The following AUTS2 variants were observed in gnomAD, a reference collection of about 807,000 sequenced individuals.
The protein encoded by AUTS2 is activator of transcription and developmental regulator AUTS2, also known as autism susceptibility gene 2 protein.
Under a neutral mutation model 112.4 loss-of-function variants are expected in AUTS2, and 17 were observed. The ratio of observed to expected loss-of-function variants is 0.15; its 90% confidence interval spans 0.10 to 0.23. The LOEUF (loss-of-function observed/expected upper bound fraction) is 0.23. Ranked by LOEUF, AUTS2 falls within the 10% of genes least tolerant of loss-of-function variation. The probability of loss-of-function intolerance (pLI) is 1.00; values close to 1 mark genes in which losing one functional copy is unlikely to be tolerated. For missense variants in AUTS2, 1,510 were observed against 1,701.6 expected (o/e 0.89, Z 1.98); for synonymous variants, 751 against 702.7 (o/e 1.07, Z -1.09).
intron 1 of AUTS2, chr7:69,643,235 A>C (rs1794871006): frequency 6.6e-6 from 1 of 152,204 alleles, no homozygotes; most frequent in South Asian, 2.1e-4. Context: ...AGTCTTTTGG[A>C]ATGTAATCAC....
At chr7:70,729,869 T>TGTAC (rs1787266447) in intron 6 of AUTS2, among the ~76,000 whole-genome samples, 1 of 151,502 alleles carries the variant, frequency 6.6e-6, no homozygotes, top group African/African-American at 2.4e-5. Flanking sequence ...TATGTATGTA[T>TGTAC]GTATGTATGT....
chr7:70,706,713 A>G (rs1442973604), intron 6 of AUTS2, among the ~76,000 whole-genome samples: 1 of 152,190 alleles, frequency 6.6e-6, no homozygotes, highest in Non-Finnish European at 1.5e-5. Context: ...TTTATTGTTT[A>G]TCTGGATTAA....
chr7:70,611,067 A>G (rs1189658673), intron 5 of AUTS2, among the ~76,000 whole-genome samples: 1 of 152,144 alleles, frequency 6.6e-6, no homozygotes, highest in South Asian at 2.1e-4. Context: ...TATTTCCCCT[A>G]TGTTTTCTTC....
At chr7:70,082,224 A>T (rs1386749433) in intron 2 of AUTS2, among the ~76,000 whole-genome samples, 1 of 152,200 alleles carries the variant, frequency 6.6e-6, no homozygotes, top group Non-Finnish European at 1.5e-5. Context: ...TACGTGCCTA[A>T]AATGTTGATT....
At chr7:69,676,531 T>C (rs1380150756) in intron 1 of AUTS2, among the ~76,000 whole-genome samples, 1 of 152,136 alleles carries the variant, frequency 6.6e-6, no homozygotes, top group Non-Finnish European at 1.5e-5. Context: ...GAAATGGAGG[T>C]CTTATGCTTC....
intron 2 of AUTS2, among the ~76,000 whole-genome samples, chr7:70,093,979 C>T (rs1804058688): frequency 2.0e-5 from 3 of 152,214 alleles, no homozygotes; most frequent in African/African-American, 4.8e-5. Context: ...TGGAGAATCT[C>T]TTTGTGATTT....
chr7:70,297,005 C>CTT (rs556668116), intron 4 of AUTS2, among the ~76,000 whole-genome samples: 53 of 118,206 alleles, frequency 4.5e-4, no homozygotes, highest in East Asian at 4.0e-3. Context: ...TAATGCCTGA[C>CTT]TTTTTTTTTT....
chr7:70,248,610 A>T (rs1055806632), intron 4 of AUTS2, among the ~76,000 whole-genome samples: 6 of 152,020 alleles, frequency 3.9e-5, no homozygotes, highest in African/African-American at 1.4e-4. Flanking sequence ...TATTTTGTGC[A>T]TTCTATTTTT....
intron 1 of AUTS2, among the ~76,000 whole-genome samples, chr7:69,895,546 C>CCG (rs979898901): frequency 3.5e-5 from 5 of 142,992 alleles, no homozygotes; most frequent in Admixed American, 2.1e-4. Context: ...CTCTTCTTCC[C>CCG]CCCCCCCGAG....
chr7:70,647,065 G>A (rs900512685), intron 5 of AUTS2, among the ~76,000 whole-genome samples: 2 of 152,208 alleles, frequency 1.3e-5, no homozygotes, highest in African/African-American at 4.8e-5. Flanking sequence ...GCAGAAGTCA[G>A]ACAAGACCCA....
At chr7:70,523,773 C>G (rs1299342139) in intron 5 of AUTS2, among the ~76,000 whole-genome samples, 1 of 152,102 alleles carries the variant, frequency 6.6e-6, no homozygotes, top group South Asian at 2.1e-4. Context: ...CCCACAGCAC[C>G]CTTTGAGAGA....
At chr7:70,385,251 T>C (rs1047377795) in intron 4 of AUTS2, among the ~76,000 whole-genome samples, 4 of 152,218 alleles carry the variant, frequency 2.6e-5, no homozygotes, top group African/African-American at 9.6e-5. Context: ...AGTGCTAGTT[T>C]CATGGGAGAC....
intron 5 of AUTS2, among the ~76,000 whole-genome samples, chr7:70,515,040 G>A (rs566481926): frequency 1.6e-3 from 246 of 152,074 alleles, no homozygotes; most frequent in Non-Finnish European, 2.7e-3. Context: ...TTGGTTGTAT[G>A]TTTTGTAACC....
chr7:70,622,295 T>G (rs1050265774), intron 5 of AUTS2, among the ~76,000 whole-genome samples: 2 of 152,214 alleles, frequency 1.3e-5, no homozygotes, highest in Non-Finnish European at 2.9e-5. Context: ...CTCTCCTGCC[T>G]GAGGGGCCTG....
chr7:69,837,700 TTTG>T (rs1791788207), intron 1 of AUTS2, among the ~76,000 whole-genome samples: 1 of 152,204 alleles, frequency 6.6e-6, no homozygotes, highest in Non-Finnish European at 1.5e-5. Flanking sequence ...AGGCGTCATG[TTTG>T]TTAAGGGACC....
intron 5 of AUTS2, among the ~76,000 whole-genome samples, chr7:70,481,901 G>A (rs1334065142): frequency 2.0e-5 from 3 of 152,094 alleles, no homozygotes; most frequent in Non-Finnish European, 4.4e-5. Context: ...ACAAAAAAGT[G>A]CTCTATACTG....
intron 1 of AUTS2, among the ~76,000 whole-genome samples, chr7:69,750,222 G>C (rs1357338890): frequency 6.6e-6 from 1 of 151,970 alleles, no homozygotes; most frequent in Non-Finnish European, 1.5e-5. Context: ...CTGGAAAAAG[G>C]CAAAAGCGTA....
intron 6 of AUTS2, among the ~76,000 whole-genome samples, chr7:70,704,492 T>C (rs1585539126): frequency 6.6e-6 from 1 of 152,380 alleles, no homozygotes; most frequent in South Asian, 2.1e-4. Flanking sequence ...AAGAGTTTTC[T>C]CTATCCTTGG....
chr7:70,730,685 T>C (rs1787333835), intron 6 of AUTS2, among the ~76,000 whole-genome samples: 1 of 152,246 alleles, frequency 6.6e-6, no homozygotes, highest in Non-Finnish European at 1.5e-5. Context: ...TTCTATTTTT[T>C]TGGCTACTTT....
Sources: allele counts gnomAD v4.1 joint callset (sites outside exome capture counted in the v4.1 genomes callset), GRCh38; gene constraint gnomAD v4.1.1; transcripts MANE v1.5; gene names NCBI Gene and HGNC (gene_info 2026-07-23, HGNC 2026-07-21).